Variants in HECW1 observed in about 807,000 individuals in gnomAD.
HECW1 encodes E3 ubiquitin-protein ligase HECW1.
HECW1 carries 61 observed loss-of-function variants against 182.3 expected under a neutral mutation model. The observed-to-expected ratio is 0.33, with a 90% CI of 0.27 to 0.41. The LOEUF is 0.41. Among genes scored for constraint, HECW1 ranks in the 10% least tolerant of loss-of-function variants. The probability of loss-of-function intolerance (pLI) is 1.00; values close to 1 mark genes in which losing one functional copy is unlikely to be tolerated. For missense variants in HECW1, 1,739 were observed against 2,108.9 expected, an observed-to-expected ratio of 0.82 and a Z score of 3.44; for synonymous variants, 859 against 832.6, an observed-to-expected ratio of 1.03 and a Z score of -0.55.
chr7:43,188,779 C>T (rs1036795666), intron 2 of HECW1, among the ~76,000 whole-genome samples: 3 of 152,174 alleles, frequency 2.0e-5, no homozygotes, highest in African/African-American at 7.2e-5. Context: ...AAGAGCAATC[C>T]TGCAAGTGGC....
rs781467284 is a variant in HECW1 at position 43,445,280 on chromosome 7, A to G, written c.2108A>G (p.Tyr703Cys). 6 of 1,612,826 alleles carry G rather than the reference A, an allele frequency of 3.7e-6. No homozygotes were observed. Among genetic ancestry groups the G allele is most frequent in the Non-Finnish European group, 4.2e-6 (5 of 1,179,206 alleles). The change falls in exon 11 of 30, where the codon TAC (tyrosine) becomes TGC (cysteine). Residue 703 changes from tyrosine to cysteine, a missense_variant. Tyr to Cys is a radical substitution (Grantham distance 194). Coordinates refer to ENST00000395891, the MANE Select transcript of HECW1 (RefSeq NM_015052.5). The stretch of plus-strand genomic sequence containing the variant: ...AGCTCGTGCTACAGCGCCTCGTGCT[A>G]CAGCCCCTCCTGCTACAACGGCAAC... ...YSSSCYSASC[Y>C]SPSCYNGNRF...
intron 2 of HECW1, among the ~76,000 whole-genome samples, chr7:43,183,396 G>A (rs7787227): frequency 0.36 from 54,965 of 151,752 alleles, 10,408 homozygotes; most frequent in African/African-American, 0.44. Flanking sequence ...AACATCCTCC[G>A]CCCTCAATAC....
At chr7:43,201,303 G>T (rs1327521944) in intron 2 of HECW1, among the ~76,000 whole-genome samples, 1 of 152,206 alleles carries the variant, frequency 6.6e-6, no homozygotes, top group Non-Finnish European at 1.5e-5. Flanking sequence ...TGGAAATGCA[G>T]ATTTCTGAGT....
chr7:43,531,717 T>C (rs2080999161), intron 24 of HECW1, among the ~76,000 whole-genome samples: 1 of 152,208 alleles, frequency 6.6e-6, no homozygotes, highest in Non-Finnish European at 1.5e-5. Flanking sequence ...TACTACCTGA[T>C]CTCAGAGGCA....
At chr7:43,278,023 A>G (rs1303637276) in intron 3 of HECW1, among the ~76,000 whole-genome samples, 2 of 151,006 alleles carry the variant, frequency 1.3e-5, no homozygotes, top group Non-Finnish European at 3.0e-5. Flanking sequence ...CCTGCTATCC[A>G]TACCCTTCCT....
chr7:43,139,818 A>G (rs1270262957), intron 2 of HECW1, among the ~76,000 whole-genome samples: 1 of 150,538 alleles, frequency 6.6e-6, no homozygotes, highest in African/African-American at 2.4e-5. Flanking sequence ...GAAAAAGGGC[A>G]AATTTGGGGA....
chr7:43,442,447 C>G, intron 9 of HECW1, 82 bp from the exon 10 acceptor site: 1 of 961,238 alleles, frequency 1.0e-6, no homozygotes, highest in Non-Finnish European at 1.6e-6. Context: ...CCTGCCTCAC[C>G]CACTGGTATA....
chr7:43,281,698 CTCTT>C (rs1803926780), intron 3 of HECW1, among the ~76,000 whole-genome samples: 1 of 136,864 alleles, frequency 7.3e-6, no homozygotes, highest in Non-Finnish European at 1.6e-5. Context: ...TTTTTCTGTT[CTCTT>C]TCTTTGCTTT....
rs117344169 is a variant in HECW1, at chr7:43,285,205, G to A, written c.28-26558G>A. Among the ~76,000 whole-genome samples, 371 of 152,272 alleles carry A rather than the reference G, an allele frequency of 2.4e-3. 1 individual carries two copies. Among genetic ancestry groups the A allele is most frequent in the Non-Finnish European group, 3.9e-3 (264 of 68,012 alleles). On this transcript the variant is annotated intron_variant, in intron 3 of 29. Transcript: ENST00000395891. ...GGGGAAATGGAACAGGTTGTTGTGA[G>A]AGCTTCCTGGGATTAGATATGTAGA...
At chr7:43,224,111 G>GA (rs1169744684) in intron 2 of HECW1, among the ~76,000 whole-genome samples, 3 of 152,034 alleles carry the variant, frequency 2.0e-5, no homozygotes, top group Non-Finnish European at 2.9e-5. Context: ...TGTGACTGTG[G>GA]AAAAAAGAGC....
intron 2 of HECW1, among the ~76,000 whole-genome samples, chr7:43,185,491 G>A (rs964634796): frequency 4.6e-5 from 7 of 152,316 alleles, no homozygotes; most frequent in African/African-American, 1.7e-4. Flanking sequence ...CCGTCAACCT[G>A]TGAGATCTGA....
chr7:43,295,145 G>GA (rs1188525344), intron 3 of HECW1, among the ~76,000 whole-genome samples: 1 of 152,036 alleles, frequency 6.6e-6, no homozygotes, highest in Admixed American at 6.6e-5. Flanking sequence ...GGCAAAAAAA[G>GA]AAAAAAATCA....
intron 2 of HECW1, among the ~76,000 whole-genome samples, chr7:43,126,067 C>CTTTTTTTTTTT (rs71008891): frequency 1.3e-4 from 14 of 103,984 alleles, no homozygotes; most frequent in Non-Finnish European, 2.4e-4. Context: ...TTTGTTCTCA[C>CTTTTTTTTTTT]TTTTTTTTTT....
intron 2 of HECW1, among the ~76,000 whole-genome samples, chr7:43,131,724 C>T (rs1326180279): frequency 6.6e-6 from 1 of 152,206 alleles, no homozygotes; most frequent in Non-Finnish European, 1.5e-5. Flanking sequence ...ATGATTTAAA[C>T]CCTTTTAGTT....
rs183294717 is a variant in HECW1 at position 43,528,683 on chromosome 7, C to T, written c.4020-12480C>T. On this transcript the variant is annotated intron_variant, in intron 24 of 29. Coordinates refer to ENST00000395891, the MANE Select transcript of HECW1 (RefSeq NM_015052.5). ...CTTGGCCCACCACGTTGAGGGGAAG[C>T]AGCTCTGGTCTCACTCCTCTGCCCC... Among the ~76,000 whole-genome samples, 6 of 152,286 alleles carry T rather than the reference C, an allele frequency of 3.9e-5. No individual in the cohort carries two copies. The East Asian group carries it at 1.2e-3, about 29-fold the overall frequency.
At position 43,430,864 on chromosome 7, in the gene HECW1, C is replaced by T. The variant is rs879849154; in HGVS notation, c.802-7139C>T. 2.7e-5 allele frequency among the ~76,000 whole-genome samples: 4 copies of T among 150,480 alleles called. No individual in the cohort carries two copies. The Admixed American group carries it at 2.7e-4, about 10-fold the overall frequency. On this transcript the variant is annotated intron_variant, in intron 8 of 29. Transcript: ENST00000395891. ...TGGGGTGATCTCGGCTCACCACAAC[C>T]TCTGCCTCCTGGGTTCAAGCAATTC...
At chr7:43,418,479 C>T (rs2076083218) in intron 8 of HECW1, among the ~76,000 whole-genome samples, 1 of 152,162 alleles carries the variant, frequency 6.6e-6, no homozygotes, top group South Asian at 2.1e-4. Context: ...GATCCATATG[C>T]TAGATCTTCA....
chr7:43,261,360 G>C (rs1288561704), intron 3 of HECW1, among the ~76,000 whole-genome samples: 2 of 152,212 alleles, frequency 1.3e-5, no homozygotes, highest in Non-Finnish European at 2.9e-5. Flanking sequence ...TCTTTGAAGA[G>C]GGCAGAACCT....
chr7:43,390,348 G>A (rs1245572938), intron 6 of HECW1, among the ~76,000 whole-genome samples: 2 of 152,008 alleles, frequency 1.3e-5, no homozygotes, highest in Non-Finnish European at 2.9e-5. Context: ...AGACCAGCCT[G>A]GGCAACATAG....
Sources: allele counts gnomAD v4.1 joint callset (sites outside exome capture counted in the v4.1 genomes callset), GRCh38; gene constraint gnomAD v4.1.1; transcripts MANE v1.5; gene names NCBI Gene and HGNC (gene_info 2026-07-23, HGNC 2026-07-21).